Variants in MYO1D observed in about 807,000 individuals in gnomAD.
The protein encoded by MYO1D is unconventional myosin-Id.
In MYO1D, 83 loss-of-function variants were observed where a neutral mutation model predicts 122.0. The ratio of observed to expected loss-of-function variants is 0.68; its 90% CI spans 0.57 to 0.82. MYO1D has a LOEUF of 0.82. Among genes scored for constraint, MYO1D ranks in the 40% least tolerant of loss-of-function variants. The pLI is 0.00. For synonymous variants in MYO1D, 464 were observed against 446.9 expected (o/e 1.04, Z -0.48); for missense variants, 1,157 against 1,269.5 (o/e 0.91, Z 1.35).
rs544439269 is a variant in MYO1D at position 32,624,216 on chromosome 17, G to T, written c.2709+14506C>A. 3.6e-4 allele frequency among the ~76,000 whole-genome samples: 50 copies of T among 137,896 alleles called. No homozygotes were observed. In the South Asian group the frequency reaches 0.011, roughly 31 times the overall value. The allele number at this position is 137,896 out of a possible 152,430, so 90.5% of individuals were successfully genotyped here. A position where few individuals can be genotyped will look rare whatever the true frequency, so the allele number is the denominator to read the frequency against. ...AAGCTTTATTTTATTTTTTCTTTAA[G>T]TTTTTTTTTTTTTTTTGTAGAGACA... On this transcript the variant is annotated intron_variant, in intron 20 of 21. Coordinates refer to ENST00000318217, the MANE Select transcript of MYO1D (RefSeq NM_015194.3).
intron 14 of MYO1D, chr17:32,727,711 A>G (rs1227797883): frequency 6.6e-6 from 1 of 152,250 alleles, no homozygotes; most frequent in Non-Finnish European, 1.5e-5. Context: ...CACACACTAT[A>G]TTAAAAGTAA....
chr17:32,761,434 T>C (rs1256079221), intron 8 of MYO1D, among the ~76,000 whole-genome samples: 2 of 152,122 alleles, frequency 1.3e-5, no homozygotes, highest in African/African-American at 2.4e-5. Flanking sequence ...TCAACCTAGG[T>C]TTTCACTGCC....
chr17:32,854,523 A>G (rs1002573095), intron 1 of MYO1D, among the ~76,000 whole-genome samples: 7 of 152,246 alleles, frequency 4.6e-5, no homozygotes, highest in Non-Finnish European at 7.3e-5. Flanking sequence ...AACAACAAAT[A>G]AGAAATAATT....
chr17:32,644,872 C>A (rs1427605960), intron 19 of MYO1D, among the ~76,000 whole-genome samples: 1 of 152,144 alleles, frequency 6.6e-6, no homozygotes, highest in African/African-American at 2.4e-5. Flanking sequence ...ATCCAATTTG[C>A]CAGTCTGTGT....
At chr17:32,500,675 T>A (rs1909287731) in intron 21 of MYO1D, among the ~76,000 whole-genome samples, 1 of 152,112 alleles carries the variant, frequency 6.6e-6, no homozygotes. Context: ...GCTGACGCCA[T>A]CTACACACTG....
chr17:32,738,495 T>G (rs2151002739), intron 13 of MYO1D, 110 bp from the exon 14 acceptor site: 1 of 1,161,578 alleles, frequency 8.6e-7, no homozygotes, highest in Non-Finnish European at 1.1e-6. Context: ...GGACTACAGA[T>G]TCAACTCACA....
chr17:32,648,514 G>A (rs898285665), intron 19 of MYO1D, among the ~76,000 whole-genome samples: 1 of 152,130 alleles, frequency 6.6e-6, no homozygotes, highest in Non-Finnish European at 1.5e-5. Flanking sequence ...TCAGGATTGG[G>A]GCTGGTTGCC....
At chr17:32,805,511 T>C (rs17781005) in intron 1 of MYO1D, among the ~76,000 whole-genome samples, 21,925 of 152,158 alleles carry the variant, frequency 0.14, 2,027 homozygotes, top group Middle Eastern at 0.29. Flanking sequence ...TAGCTGTTAC[T>C]TGGAGGTGTG....
chr17:32,825,304 T>C (rs2090711265), intron 1 of MYO1D, among the ~76,000 whole-genome samples: 1 of 152,214 alleles, frequency 6.6e-6, no homozygotes, highest in Non-Finnish European at 1.5e-5. Flanking sequence ...TTTATTTTAT[T>C]TTTTTGACAC....
At chr17:32,638,629 C>T in intron 20 of MYO1D, 93 bp downstream of exon 20, 1 of 754,718 alleles carries the variant, frequency 1.3e-6, no homozygotes, top group Non-Finnish European at 2.2e-6. Context: ...TCCTAAAGCC[C>T]CAAAGATTCT....
rs1233632484 is a variant in MYO1D at position 32,560,528 on chromosome 17, C to CCTATATATATAT, written c.2864+44558_2864+44559insATATATATATAG. On this transcript the variant is annotated intron_variant, in intron 21 of 21. Coordinates refer to ENST00000318217, the MANE Select transcript of MYO1D (RefSeq NM_015194.3). ...AAAAAAAAGTAATACCCAGAGACAACATATATATATATATATATATATATA... is the reference window on the plus strand; with the variant it reads ...AAAAAAAAGTAATACCCAGAGACAACCTATATATATATATATATATATATATATATATATATA... Among the ~76,000 whole-genome samples the CCTATATATATAT allele has an allele frequency of 1.8e-3, 120 of 65,438 alleles. 32 individuals carry two copies. Among genetic ancestry groups the CCTATATATATAT allele is most frequent in the African/African-American group, 4.8e-3 (95 of 19,850 alleles). 42.9% of individuals were successfully genotyped at this position (65,438 alleles called of 152,430 possible). A position where few individuals can be genotyped will look rare whatever the true frequency, so the allele number is the denominator to read the frequency against.
chr17:32,667,013 A>C (rs181914260), intron 16 of MYO1D, among the ~76,000 whole-genome samples: 2 of 152,366 alleles, frequency 1.3e-5, no homozygotes, highest in East Asian at 3.9e-4. Context: ...CATTGAGATA[A>C]GTCTACATAA....
intron 20 of MYO1D, among the ~76,000 whole-genome samples, chr17:32,626,236 G>A (rs1355725791): frequency 6.6e-6 from 1 of 152,220 alleles, no homozygotes; most frequent in Non-Finnish European, 1.5e-5. Context: ...CTGAATAAAA[G>A]AGAGCTCTGA....
intron 10 of MYO1D, 67 bp from the exon 11 acceptor site, chr17:32,755,729 T>C (rs4548927): frequency 0.47 from 650,979 of 1,375,454 alleles, 158,328 homozygotes; most frequent in East Asian, 0.71. Context: ...ACCCTGATGC[T>C]CCCATTTGTA....
intron 1 of MYO1D, among the ~76,000 whole-genome samples, chr17:32,842,479 C>T (rs1016719176): frequency 9.2e-5 from 14 of 152,084 alleles, no homozygotes; most frequent in African/African-American, 3.4e-4. Context: ...TCCTCAAAGT[C>T]TTTATATGTA....
chr17:32,715,534 T>C (rs1184704963), intron 15 of MYO1D, among the ~76,000 whole-genome samples: 3 of 152,150 alleles, frequency 2.0e-5, no homozygotes, highest in Admixed American at 6.5e-5. Flanking sequence ...GCTACTACTA[T>C]ACCCCCAAAT....
chr17:32,532,723 CAAAAA>C (rs71144833), intron 21 of MYO1D, among the ~76,000 whole-genome samples: 3 of 99,684 alleles, frequency 3.0e-5, no homozygotes, highest in East Asian at 2.9e-4. Flanking sequence ...GACTCCGTCT[CAAAAA>C]AAAAAAAAAA....
At chr17:32,551,260 T>G (rs192129336) in intron 21 of MYO1D, among the ~76,000 whole-genome samples, 1 of 152,180 alleles carries the variant, frequency 6.6e-6, no homozygotes, top group Non-Finnish European at 1.5e-5. Context: ...AGGCAGTGCA[T>G]GCTCAGATCA....
intron 2 of MYO1D, 97 bp downstream of exon 2, chr17:32,780,479 C>T: frequency 7.6e-7 from 1 of 1,314,176 alleles, no homozygotes; most frequent in Non-Finnish European, 1.1e-6. Context: ...AGGCTTCTAC[C>T]TTTAAAAAAA....
Sources: gnomAD v4.1 joint callset for allele counts (sites outside exome capture counted in the v4.1 genomes callset) on GRCh38, gnomAD v4.1.1 for gene constraint, MANE v1.5 for transcripts, NCBI Gene and HGNC (gene_info 2026-07-23, HGNC 2026-07-21) for gene names.